Variants in ARHGEF7 observed in about 807,000 individuals in gnomAD.
ARHGEF7 encodes Rho guanine nucleotide exchange factor 7, also known as PAK-interacting exchange factor beta.
ARHGEF7 carries 33 observed loss-of-function variants against 109.8 expected under a neutral mutation model. The observed-to-expected ratio is 0.30, with a 90% confidence interval of 0.23 to 0.40. ARHGEF7 has a LOEUF of 0.40. Among genes scored for constraint, ARHGEF7 ranks in the 10% least tolerant of loss-of-function variants. The pLI is 1.00. For missense variants in ARHGEF7, 938 were observed against 1,098.5 expected (o/e 0.85, Z 2.07); for synonymous variants, 458 against 424.6 (o/e 1.08, Z -0.97).
chr13:111,179,747 C>T (rs969403646), intron 2 of ARHGEF7, among the ~76,000 whole-genome samples: 24 of 152,148 alleles, frequency 1.6e-4, no homozygotes, highest in South Asian at 4.1e-4. Context: ...TAGGATTTGA[C>T]GCTTTTGAAG....
At chr13:111,292,917 C>T in intron 19 of ARHGEF7, 11 of 987,038 alleles carry the variant, frequency 1.1e-5, no homozygotes, top group Non-Finnish European at 1.2e-5. Context: ...GCGGGCGTCA[C>T]GTGTGTTCAG....
chr13:111,160,226 T>C (rs969084455), intron 2 of ARHGEF7, among the ~76,000 whole-genome samples: 2 of 152,218 alleles, frequency 1.3e-5, no homozygotes, highest in Non-Finnish European at 2.9e-5. Flanking sequence ...GCTTTTATGC[T>C]AGTGCCATGC....
intron 5 of ARHGEF7, among the ~76,000 whole-genome samples, chr13:111,221,503 CTATATATATAGATATA>C (rs2084246279): frequency 2.1e-5 from 1 of 48,066 alleles, no homozygotes; most frequent in Non-Finnish European, 4.5e-5. Context: ...ATATATATAT[CTATATATATAGATATA>C]TATCTATATA....
rs140668418 is a variant in ARHGEF7 at position 111,183,235 on chromosome 13, G to A, written c.253-22054G>A. On this transcript the variant is annotated intron_variant, in intron 2 of 21. Coordinates refer to ENST00000646102, the MANE Select transcript of ARHGEF7 (RefSeq NM_001354046.2). ...GTGCTAGCAAGTTTTGTTAAATGGC[G>A]CTTATTTTGAAATACATATGCAGTG... Among the ~76,000 whole-genome samples the A allele has an allele frequency of 2.2e-3, 334 of 152,194 alleles. 2 individuals carry two copies. Among genetic ancestry groups the A allele is most frequent in the Non-Finnish European group, 3.1e-3 (213 of 67,996 alleles).
intron 2 of ARHGEF7, among the ~76,000 whole-genome samples, chr13:111,203,373 C>T (rs970664018): frequency 6.6e-6 from 1 of 152,196 alleles, no homozygotes; most frequent in Non-Finnish European, 1.5e-5. Flanking sequence ...AGATGCTGCT[C>T]TCATTTGAGT....
chr13:111,223,858 A>ATTTTTTTTTTTTTTTTTTTTT (rs35652076), intron 5 of ARHGEF7, among the ~76,000 whole-genome samples: 1 of 139,058 alleles, frequency 7.2e-6, no homozygotes, highest in Non-Finnish European at 1.6e-5. Flanking sequence ...TTTCTATAGC[A>ATTTTTTTTTTTTTTTTTTTTT]TTTTTTTTTT....
chr13:111,160,414 A>G (rs1875318159), intron 2 of ARHGEF7, among the ~76,000 whole-genome samples: 2 of 152,042 alleles, frequency 1.3e-5, no homozygotes, highest in African/African-American at 2.4e-5. Flanking sequence ...AATTTGGTAG[A>G]CATTGCATTG....
chr13:111,155,007 T>A (rs572729282), intron 2 of ARHGEF7, among the ~76,000 whole-genome samples: 1 of 151,080 alleles, frequency 6.6e-6, no homozygotes, highest in Non-Finnish European at 1.5e-5. Flanking sequence ...GGAAACCAAT[T>A]AAAAAAAAAC....
intron 2 of ARHGEF7, among the ~76,000 whole-genome samples, chr13:111,178,422 CTG>C (rs2078381089): frequency 6.6e-6 from 1 of 152,140 alleles, no homozygotes; most frequent in Non-Finnish European, 1.5e-5. Flanking sequence ...TGTATGTTTT[CTG>C]TGATAGTTTA....
At chr13:111,192,600 G>A (rs903698947) in intron 2 of ARHGEF7, among the ~76,000 whole-genome samples, 2 of 152,184 alleles carry the variant, frequency 1.3e-5, no homozygotes, top group African/African-American at 4.8e-5. Flanking sequence ...TGGGAGATGA[G>A]TTTCTTGTGT....
At chr13:111,199,363 A>T (rs1036217891) in intron 2 of ARHGEF7, among the ~76,000 whole-genome samples, 5 of 152,166 alleles carry the variant, frequency 3.3e-5, no homozygotes, top group African/African-American at 1.2e-4. Context: ...AAGCCTTTTT[A>T]TTTTAGAATA....
At position 111,133,438 on chromosome 13, in the gene ARHGEF7, A is replaced by G. The variant is rs180695374; in HGVS notation, c.165+17747A>G. 2.5e-3 allele frequency among the ~76,000 whole-genome samples: 376 copies of G among 152,164 alleles called. 1 individual carries two copies. The highest frequency in any genetic ancestry group is 4.6e-3 in the Non-Finnish European group (315 of 68,004). ...CACATATATACATACGTTTCAGCTT[A>G]TGGGCGGAAAATATCTGGGTTGGTT... is the stretch of plus-strand genomic sequence containing the variant. On this transcript the variant is annotated intron_variant, in intron 1 of 21. Coordinates refer to ENST00000646102, the MANE Select transcript of ARHGEF7 (RefSeq NM_001354046.2).
rs552021704 is a variant in ARHGEF7 at position 111,299,588 on chromosome 13, C to T, written c.2312-1160C>T. Among the ~76,000 whole-genome samples the T allele has an allele frequency of 3.3e-5, 5 of 152,210 alleles. No homozygotes were observed. The South Asian group carries it at 6.2e-4, about 19-fold the overall frequency. On this transcript the variant is annotated intron_variant, in intron 19 of 21. Coordinates refer to ENST00000646102, the MANE Select transcript of ARHGEF7 (RefSeq NM_001354046.2). ...CGATCTCCTGACCTCGTGATCCACCCGCCTCCGCCTCCCAAAGTGCTGGGA... is the reference window on the plus strand; with the variant it reads ...CGATCTCCTGACCTCGTGATCCACCTGCCTCCGCCTCCCAAAGTGCTGGGA...
At chr13:111,279,386 T>TA (rs1306344227) in intron 13 of ARHGEF7, among the ~76,000 whole-genome samples, 2 of 152,156 alleles carry the variant, frequency 1.3e-5, no homozygotes, top group African/African-American at 4.8e-5. Flanking sequence ...CTCTGGCCCT[T>TA]ACTTGCTGGA....
chr13:111,304,972 C>T lies in ARHGEF7; in HGVS notation c.*1859C>T, dbSNP rs1198137539. On this transcript the variant is annotated 3_prime_UTR_variant, in exon 22 of 22. Transcript: ENST00000646102. ...TTTGCTGTTGTAGCAGGTTTTAACTCAGGAACAACTCTTGTCTGATCTCTC... is the reference window on the plus strand; with the variant it reads ...TTTGCTGTTGTAGCAGGTTTTAACTTAGGAACAACTCTTGTCTGATCTCTC... 2 of 152,266 alleles carry T rather than the reference C, an allele frequency of 1.3e-5. No homozygotes were observed. Among genetic ancestry groups the T allele is most frequent in the Admixed American group, 6.5e-5 (1 of 15,286 alleles). The allele number at this position is 152,266 out of a possible 1,614,324, so 9.4% of individuals were successfully genotyped here. A position where few individuals can be genotyped will look rare whatever the true frequency, so the allele number is the denominator to read the frequency against.
chr13:111,241,255 A>T (rs2087723467), intron 6 of ARHGEF7: 3 of 1,535,954 alleles, frequency 2.0e-6, no homozygotes, highest in Non-Finnish European at 1.7e-6. Flanking sequence ...GGTGGGATGG[A>T]GCTGTGGCGT....
rs2087330026 is a variant in ARHGEF7 at position 111,239,181 on chromosome 13, C to T, written c.760-4691C>T. ...TACCTCCACCCTGTCCCGCCCTTGA[C>T]ACATGGGGATTATTACAATTCAGGG... On this transcript the variant is annotated intron_variant, in intron 6 of 21. Transcript: ENST00000646102. The surrounding 1 kb of genome is among the most constrained non-coding windows in gnomAD (Gnocchi z 4.3). Among the ~76,000 whole-genome samples, 1 of 152,206 alleles carries T rather than the reference C, an allele frequency of 6.6e-6. No individual in the cohort carries two copies. Among genetic ancestry groups the T allele is most frequent in the African/African-American group, 2.4e-5 (1 of 41,440 alleles).
chr13:111,178,967 CT>C lies in ARHGEF7; in HGVS notation c.252+24985del, dbSNP rs557713033. 2.8e-3 allele frequency among the ~76,000 whole-genome samples: 419 copies of C among 151,288 alleles called. 2 individuals carry two copies. Among genetic ancestry groups the C allele is most frequent in the Non-Finnish European group, 3.6e-3 (245 of 67,736 alleles). On this transcript the variant is annotated intron_variant, in intron 2 of 21. Coordinates refer to ENST00000646102, the MANE Select transcript of ARHGEF7 (RefSeq NM_001354046.2). ...AGCCACTTAATGTGCCGTCCCCCCC[CT>C]TTTTTTTTGTTTTGAAAACTTTAAA...
chr13:111,167,665 T>TATC (rs937450918), intron 2 of ARHGEF7, among the ~76,000 whole-genome samples: 1 of 152,224 alleles, frequency 6.6e-6, no homozygotes, highest in African/African-American at 2.4e-5. Context: ...AACAGAGTGT[T>TATC]ACAGGCACAC....
Sources: gnomAD v4.1 joint callset for allele counts (sites outside exome capture counted in the v4.1 genomes callset) on GRCh38, gnomAD v4.1.1 for gene constraint, Gnocchi (gnomAD v3.1) non-coding constraint, MANE v1.5 for transcripts, NCBI Gene and HGNC (gene_info 2026-07-23, HGNC 2026-07-21) for gene names.